Variants in SMYD3 observed in about 807,000 individuals in gnomAD.
The protein encoded by SMYD3 is histone-lysine N-methyltransferase SMYD3.
Under a neutral mutation model 57.7 loss-of-function variants are expected in SMYD3, and 36 were observed. The observed-to-expected ratio is 0.62, with a 90% CI of 0.48 to 0.82. The LOEUF (loss-of-function observed/expected upper bound fraction) is 0.82. Among genes scored for constraint, SMYD3 ranks in the 40% least tolerant of loss-of-function variants. SMYD3 has a pLI of 0.00. For synonymous variants in SMYD3, 211 were observed against 195.0 expected (o/e 1.08, Z -0.68); for missense variants, 515 against 538.8 (o/e 0.96, Z 0.44).
At chr1:245,895,731 G>C (rs1013947108) in intron 8 of SMYD3, among the ~76,000 whole-genome samples, 1 of 152,220 alleles carries the variant, frequency 6.6e-6, no homozygotes, top group East Asian at 1.9e-4. Flanking sequence ...TAGCCCAGGT[G>C]ATGTACAGCC....
At chr1:246,053,347 A>G (rs1183340862) in intron 5 of SMYD3, among the ~76,000 whole-genome samples, 2 of 152,196 alleles carry the variant, frequency 1.3e-5, no homozygotes, top group Non-Finnish European at 2.9e-5. Context: ...AATGTTTATG[A>G]AAAGGCAAGT....
intron 5 of SMYD3, among the ~76,000 whole-genome samples, chr1:246,048,511 C>T (rs2060008664): frequency 6.6e-6 from 1 of 152,144 alleles, no homozygotes; most frequent in Non-Finnish European, 1.5e-5. Context: ...TATCACATTA[C>T]AGCCATTTCT....
At chr1:246,016,755 C>T (rs139988877) in intron 5 of SMYD3, among the ~76,000 whole-genome samples, 4 of 151,798 alleles carry the variant, frequency 2.6e-5, no homozygotes, top group African/African-American at 7.3e-5. Flanking sequence ...GGGAGCACAG[C>T]GAGCTAACTA....
Position 246,172,104 on chromosome 1 carries a change from G to A in SMYD3, c.531+155097C>T, listed in dbSNP as rs377375060. On this transcript the variant is annotated intron_variant, in intron 5 of 11. Coordinates refer to ENST00000490107, the MANE Select transcript of SMYD3 (RefSeq NM_001167740.2). The stretch of plus-strand genomic sequence containing the variant: ...CTTGCAGGACTACAAGTTGCTCTCC[G>A]TGAATGAGCGAGTGGCAGGTGAATG... Among the ~76,000 whole-genome samples the A allele has an allele frequency of 9.1e-4, 139 of 152,318 alleles. 3 individuals are homozygous for A. The highest frequency in any genetic ancestry group is 2.2e-3 in the African/African-American group (90 of 41,556).
chr1:245,907,444 T>G (rs541354732), intron 8 of SMYD3, among the ~76,000 whole-genome samples: 1 of 152,186 alleles, frequency 6.6e-6, no homozygotes. Context: ...TCATCACCAC[T>G]AGACTAGCTC....
chr1:246,340,951 G>A (rs984331782), intron 2 of SMYD3, among the ~76,000 whole-genome samples: 3 of 151,952 alleles, frequency 2.0e-5, no homozygotes, highest in Non-Finnish European at 4.4e-5. Context: ...TCACACCACT[G>A]CATTCCAGTC....
chr1:246,501,415 T>C (rs2103077992), intron 1 of SMYD3, among the ~76,000 whole-genome samples: 1 of 152,324 alleles, frequency 6.6e-6, no homozygotes, highest in South Asian at 2.1e-4. Context: ...CCAAAAATCT[T>C]TTCTTACTCC....
intron 11 of SMYD3, among the ~76,000 whole-genome samples, chr1:245,756,896 CTTCTT>C: frequency 6.6e-6 from 1 of 151,358 alleles, no homozygotes; most frequent in South Asian, 2.1e-4. Context: ...GTTTGCTTAG[CTTCTT>C]AAATCTACAG....
chr1:246,481,621 T>TATATATATATATACACACAC (rs1307881494), intron 1 of SMYD3, among the ~76,000 whole-genome samples: 8 of 98,554 alleles, frequency 8.1e-5, no homozygotes, highest in East Asian at 3.7e-4. Flanking sequence ...CATACATATA[T>TATATATATATATACACACAC]ACATACATAC....
intron 5 of SMYD3, among the ~76,000 whole-genome samples, chr1:246,150,667 C>T (rs538166731): frequency 1.4e-4 from 21 of 152,104 alleles, no homozygotes; most frequent in Non-Finnish European, 2.5e-4. Context: ...GGGGATGAAG[C>T]GAGTCTATTT....
At chr1:246,372,167 C>T (rs1452995876) in intron 1 of SMYD3, among the ~76,000 whole-genome samples, 7 of 152,156 alleles carry the variant, frequency 4.6e-5, no homozygotes, top group African/African-American at 1.4e-4. Context: ...AAATTCTCAT[C>T]GATTTTTATT....
chr1:246,457,470 G>T (rs1241851128), intron 1 of SMYD3, among the ~76,000 whole-genome samples: 2 of 145,650 alleles, frequency 1.4e-5, no homozygotes, highest in Admixed American at 1.4e-4. Context: ...GATGCGGAGG[G>T]TGCAGTGAGC....
intron 10 of SMYD3, among the ~76,000 whole-genome samples, chr1:245,814,844 G>GCA (rs1286772664): frequency 6.8e-5 from 10 of 146,566 alleles, no homozygotes; most frequent in East Asian, 2.0e-4. Context: ...GCACACACAT[G>GCA]CACGCACACA....
intron 5 of SMYD3, among the ~76,000 whole-genome samples, chr1:246,043,304 A>T (rs2059909508): frequency 6.6e-6 from 1 of 152,246 alleles, no homozygotes; most frequent in Admixed American, 6.5e-5. Context: ...CTGAGCACAC[A>T]GTACTATGTA....
At position 246,421,848 on chromosome 1, in the gene SMYD3, G is replaced by A. The variant is rs1187406398; in HGVS notation, c.165-66754C>T. 1.3e-4 allele frequency among the ~76,000 whole-genome samples: 20 copies of A among 152,296 alleles called. No individual in the cohort carries two copies. The East Asian group carries it at 2.5e-3, about 19-fold the overall frequency. On this transcript the variant is annotated intron_variant, in intron 1 of 11. Coordinates refer to ENST00000490107, the MANE Select transcript of SMYD3 (RefSeq NM_001167740.2). Reference sequence around the variant, plus strand: ...TCTGAGTCAGAAGCCCCTGAACCAAGAGCGCCAAGAGCAGAAGATGGATGT... The same window carrying A: ...TCTGAGTCAGAAGCCCCTGAACCAAAAGCGCCAAGAGCAGAAGATGGATGT...
chr1:246,305,444 A>G (rs1029729432), intron 5 of SMYD3, among the ~76,000 whole-genome samples: 9 of 152,196 alleles, frequency 5.9e-5, no homozygotes, highest in African/African-American at 1.9e-4. Flanking sequence ...GCTTTGTTAC[A>G]TTAGAAAAAA....
At chr1:246,278,204 T>C (rs1182539428) in intron 5 of SMYD3, among the ~76,000 whole-genome samples, 1 of 151,554 alleles carries the variant, frequency 6.6e-6, no homozygotes, top group African/African-American at 2.4e-5. Context: ...GTTACTCTCA[T>C]GTATGTCGAT....
At chr1:246,244,302 G>A (rs2063667639) in intron 5 of SMYD3, among the ~76,000 whole-genome samples, 1 of 151,806 alleles carries the variant, frequency 6.6e-6, no homozygotes, top group African/African-American at 2.4e-5. Context: ...GTATCTTGGG[G>A]CTAGCTATTT....
intron 5 of SMYD3, among the ~76,000 whole-genome samples, chr1:246,309,248 A>G (rs2065035637): frequency 6.6e-6 from 1 of 152,244 alleles, no homozygotes; most frequent in Non-Finnish European, 1.5e-5. Flanking sequence ...TAGCAAAACA[A>G]TGCATTTATC....
Sources: allele counts gnomAD v4.1 joint callset (sites outside exome capture counted in the v4.1 genomes callset), GRCh38; gene constraint gnomAD v4.1.1; transcripts MANE v1.5; gene names NCBI Gene and HGNC (gene_info 2026-07-23, HGNC 2026-07-21).